COX7B2: variants seen among roughly 807,000 people sequenced by gnomAD.
The protein encoded by COX7B2 is cytochrome c oxidase subunit 7B2.
For synonymous variants in COX7B2, 37 were observed against 32.1 expected (o/e 1.15, Z -0.51); for missense variants, 109 against 95.9 (o/e 1.14, Z -0.57).
At chr4:46,906,530 C>CT in intron 1 of COX7B2, among the ~76,000 whole-genome samples, 1 of 152,120 alleles carries the variant, frequency 6.6e-6, no homozygotes. Context: ...ACTGGTTAAC[C>CT]TTTTTATTAA....
intron 2 of COX7B2, among the ~76,000 whole-genome samples, chr4:46,837,274 TACACACACACACACACAC>T (rs33927124): frequency 1.9e-4 from 25 of 133,354 alleles, no homozygotes; most frequent in African/African-American, 4.4e-4. Flanking sequence ...CACAAAGACA[TACACACACACACACACAC>T]ACACACACAC....
intron 2 of COX7B2, among the ~76,000 whole-genome samples, chr4:46,787,897 T>C: frequency 6.6e-6 from 1 of 152,184 alleles, no homozygotes; most frequent in Non-Finnish European, 1.5e-5. Flanking sequence ...ACCCATGTCA[T>C]CTCACCATAT....
chr4:46,805,342 C>T (rs890541510), intron 2 of COX7B2, among the ~76,000 whole-genome samples: 1 of 152,250 alleles, frequency 6.6e-6, no homozygotes, highest in East Asian at 1.9e-4. Context: ...TGCCAGCACG[C>T]TGTCACCTCT....
intron 2 of COX7B2, among the ~76,000 whole-genome samples, chr4:46,791,777 A>G (rs1718060145): frequency 6.6e-6 from 1 of 152,214 alleles, no homozygotes; most frequent in African/African-American, 2.4e-5. Context: ...CTCAAATCCA[A>G]GCAGTCCTTT....
chr4:46,853,352 T>G (rs553049465), intron 1 of COX7B2, among the ~76,000 whole-genome samples: 1 of 152,250 alleles, frequency 6.6e-6, no homozygotes, highest in East Asian at 1.9e-4. Context: ...TTTTTCTTAT[T>G]TACATACTTC....
At chr4:46,827,407 T>G (rs963536053) in intron 2 of COX7B2, among the ~76,000 whole-genome samples, 4 of 151,974 alleles carry the variant, frequency 2.6e-5, no homozygotes, top group Non-Finnish European at 5.9e-5. Context: ...TGCAACCAAC[T>G]GTAGGTTTTT....
chr4:46,836,353 A>T (rs193109717), intron 2 of COX7B2, among the ~76,000 whole-genome samples: 1,858 of 150,714 alleles, frequency 0.012, 29 homozygotes, highest in African/African-American at 0.04. Context: ...TATTTAAAAA[A>T]TTTTTTTTTT....
rs142999601 is a variant in COX7B2 at position 46,868,165 on chromosome 4, A to G, written c.-104-23151T>C. Among the ~76,000 whole-genome samples, 158 of 152,252 alleles carry G rather than the reference A, an allele frequency of 1.0e-3. 2 individuals are homozygous for G. Among genetic ancestry groups the G allele is most frequent in the African/African-American group, 3.7e-3 (153 of 41,536 alleles). ...TCTAGGTTTTCTAGTCTGTGTGCAT[A>G]GAGGTGTTCACAGTAGTTTCTGATG... On this transcript the variant is annotated intron_variant, in intron 1 of 2. Transcript: ENST00000355591.
At chr4:46,797,999 A>G (rs1050744572) in intron 2 of COX7B2, among the ~76,000 whole-genome samples, 9 of 152,194 alleles carry the variant, frequency 5.9e-5, no homozygotes, top group Non-Finnish European at 1.2e-4. Context: ...TTAAATTCAA[A>G]GGGATCCTGA....
At chr4:46,783,565 G>A (rs1387163481) in intron 2 of COX7B2, among the ~76,000 whole-genome samples, 4 of 152,164 alleles carry the variant, frequency 2.6e-5, no homozygotes, top group African/African-American at 4.8e-5. Flanking sequence ...TACTAAGGAA[G>A]GGGAATGACT....
chr4:46,814,098 TA>T (rs1341750016), intron 2 of COX7B2, among the ~76,000 whole-genome samples: 1 of 151,968 alleles, frequency 6.6e-6, no homozygotes. Context: ...TTATGGAAAA[TA>T]GCATGGAGGT....
intron 2 of COX7B2, among the ~76,000 whole-genome samples, chr4:46,776,546 G>A (rs768694575): frequency 1.3e-5 from 2 of 152,050 alleles, no homozygotes; most frequent in African/African-American, 4.8e-5. Context: ...GATTAAGCGT[G>A]TAAAGTACTG....
At chr4:46,852,908 G>A (rs940333051) in intron 1 of COX7B2, among the ~76,000 whole-genome samples, 1 of 152,132 alleles carries the variant, frequency 6.6e-6, no homozygotes, top group Non-Finnish European at 1.5e-5. Flanking sequence ...GTGTAGTGCC[G>A]AAGCACTGGC....
At chr4:46,801,893 G>A (rs767657065) in intron 2 of COX7B2, among the ~76,000 whole-genome samples, 1 of 152,018 alleles carries the variant, frequency 6.6e-6, no homozygotes, top group Admixed American at 6.6e-5. Flanking sequence ...TAATAGTGGG[G>A]GGAAAAAAGA....
At chr4:46,856,963 G>A (rs759337759) in intron 1 of COX7B2, among the ~76,000 whole-genome samples, 7 of 152,292 alleles carry the variant, frequency 4.6e-5, no homozygotes, top group East Asian at 3.9e-4. Context: ...TGATAGACCC[G>A]TGTAATGAAG....
chr4:46,873,237 G>A (rs764528961), intron 1 of COX7B2, among the ~76,000 whole-genome samples: 3 of 152,060 alleles, frequency 2.0e-5, no homozygotes, highest in Non-Finnish European at 2.9e-5. Context: ...TGAACATTTG[G>A]GTTGGTTCCA....
rs141398276 is a variant in COX7B2 at position 46,877,130 on chromosome 4, A to C, written c.-105+32030T>G. ...CTAAATACAAAATAGACATGAATTAAAGTGCACATTACTCTGAACTTGGTG... is the reference window on the plus strand; with the variant it reads ...CTAAATACAAAATAGACATGAATTACAGTGCACATTACTCTGAACTTGGTG... On this transcript the variant is annotated intron_variant, in intron 1 of 2. Coordinates refer to ENST00000355591, the MANE Select transcript of COX7B2 (RefSeq NM_130902.3). Among the ~76,000 whole-genome samples the C allele has an allele frequency of 3.9e-3, 588 of 152,314 alleles. 11 individuals are homozygous for C. Among genetic ancestry groups the C allele is most frequent in the East Asian group, 3.7e-3 (19 of 5,184 alleles).
chr4:46,805,610 T>A (rs1718957046), intron 2 of COX7B2, among the ~76,000 whole-genome samples: 1 of 152,230 alleles, frequency 6.6e-6, no homozygotes, highest in South Asian at 2.1e-4. Flanking sequence ...GAATTCAGGT[T>A]TTTAAAAAAA....
At chr4:46,888,216 G>A (rs1719199457) in intron 1 of COX7B2, among the ~76,000 whole-genome samples, 1 of 152,082 alleles carries the variant, frequency 6.6e-6, no homozygotes, top group Non-Finnish European at 1.5e-5. Context: ...ATCTCACAGT[G>A]GTGCCTTCAG....
Sources: gnomAD v4.1 joint callset for allele counts (sites outside exome capture counted in the v4.1 genomes callset) on GRCh38, gnomAD v4.1.1 for gene constraint, MANE v1.5 for transcripts, NCBI Gene and HGNC (gene_info 2026-07-23, HGNC 2026-07-21) for gene names.